Variants in KIRREL3 observed in about 807,000 individuals in gnomAD.
The protein encoded by KIRREL3 is kin of IRRE-like protein 3.
KIRREL3 carries 36 observed loss-of-function variants against 89.7 expected under a neutral mutation model. The ratio of observed to expected loss-of-function variants is 0.40; its 90% CI spans 0.31 to 0.53. KIRREL3 has a LOEUF of 0.53. Among genes scored for constraint, KIRREL3 ranks in the 20% least tolerant of loss-of-function variants. The pLI is 0.49. For missense variants in KIRREL3, 864 were observed against 1,056.6 expected (o/e 0.82, Z 2.53); for synonymous variants, 445 against 441.4 (o/e 1.01, Z -0.10).
Position 126,783,222 on chromosome 11 carries a change from C to T in KIRREL3, c.55+217233G>A, listed in dbSNP as rs1044762209. 2.0e-5 allele frequency among the ~76,000 whole-genome samples: 3 copies of T among 152,122 alleles called. No individual in the cohort carries two copies. Among genetic ancestry groups the T allele is most frequent in the African/African-American group, 7.2e-5 (3 of 41,426 alleles). On this transcript the variant is annotated intron_variant, in intron 1 of 16. Coordinates refer to ENST00000525144, the MANE Select transcript of KIRREL3 (RefSeq NM_032531.4). The surrounding 1 kb of genome is among the most constrained non-coding windows in gnomAD (Gnocchi z 4.3). ...TGTTTTCTGGTGATTTTTGGTATTCCTTGGCATTCCTTGGCTTGTAGATGT... is the reference window on the plus strand; with the variant it reads ...TGTTTTCTGGTGATTTTTGGTATTCTTTGGCATTCCTTGGCTTGTAGATGT...
chr11:126,853,814 C>T (rs1565353484), intron 1 of KIRREL3, among the ~76,000 whole-genome samples: 1 of 152,030 alleles, frequency 6.6e-6, no homozygotes, highest in African/African-American at 2.4e-5. Context: ...AACTTTTCTG[C>T]ATGTTTCATT....
chr11:126,923,129 C>CTTCTTCTTCTTCTTCTTCT (rs1555090094), intron 1 of KIRREL3, among the ~76,000 whole-genome samples: 1 of 25,732 alleles, frequency 3.9e-5, no homozygotes, highest in Non-Finnish European at 7.8e-5. Flanking sequence ...TCTCCTTCTT[C>CTTCTTCTTCTTCTTCTTCT]TCTTCTTCTT....
chr11:126,600,971 C>A (rs78211635), intron 1 of KIRREL3, among the ~76,000 whole-genome samples: 1 of 152,146 alleles, frequency 6.6e-6, no homozygotes, highest in East Asian at 1.9e-4. Flanking sequence ...CACCCCTCCA[C>A]GGATCTCCTA....
chr11:126,960,402 A>G (rs918059893), intron 1 of KIRREL3, among the ~76,000 whole-genome samples: 1 of 152,156 alleles, frequency 6.6e-6, no homozygotes, highest in Non-Finnish European at 1.5e-5. Flanking sequence ...TAGTTTTTCT[A>G]AAGAGGCCCT....
chr11:126,451,107 GTGTGCATGTGTGTGTGTGCA>G lies in KIRREL3; in HGVS notation c.849-1970_849-1951del, dbSNP rs1371992943. On this transcript the variant is annotated intron_variant, in intron 7 of 16. Transcript: ENST00000525144. ...TGTGTGCATATGTGTCCATGTGCAT[GTGTGCATGTGTGTGTGTGCA>G]TGTGCATGTGTGTGCATGTGTAAAT... Among the ~76,000 whole-genome samples the G allele has an allele frequency of 1.7e-4, 17 of 97,768 alleles. 1 individual carries two copies. The highest frequency in any genetic ancestry group is 5.2e-4 in the African/African-American group (12 of 23,150). 64.1% of individuals were successfully genotyped at this position (97,768 alleles called of 152,430 possible).
intron 1 of KIRREL3, among the ~76,000 whole-genome samples, chr11:126,674,523 A>G (rs1946100144): frequency 1.3e-5 from 2 of 152,232 alleles, no homozygotes; most frequent in African/African-American, 4.8e-5. Context: ...CTACTCTCAG[A>G]ATCCTGACAC....
In KIRREL3 at chr11:126,708,194, C is replaced by T. The variant is rs924293817; in HGVS notation, c.56-145282G>A. Reference sequence around the variant, plus strand: ...GTATTCATGCCGCCTGGAAACTCATCTGCCTGTGCCGCTGCTTTTTCCTGG... The same window carrying T: ...GTATTCATGCCGCCTGGAAACTCATTTGCCTGTGCCGCTGCTTTTTCCTGG... On this transcript the variant is annotated intron_variant, in intron 1 of 16. Transcript: ENST00000525144. This position sits in a 1 kb window ranked among gnomAD's most constrained non-coding sequence, Gnocchi z 5.7. Among the ~76,000 whole-genome samples the T allele has an allele frequency of 7.2e-5, 11 of 152,214 alleles. No homozygotes were observed. Among genetic ancestry groups the T allele is most frequent in the Admixed American group, 6.5e-5 (1 of 15,290 alleles).
chr11:126,633,660 CACA>C (rs1252844862), intron 1 of KIRREL3, among the ~76,000 whole-genome samples: 11 of 152,224 alleles, frequency 7.2e-5, no homozygotes, highest in African/African-American at 2.2e-4. Context: ...ATGCTTCTTG[CACA>C]CCCTACATAA....
rs1171442704 is a variant in KIRREL3 at position 126,877,873 on chromosome 11, A to G, written c.55+122582T>C. Among the ~76,000 whole-genome samples, 1 of 152,188 alleles carries G rather than the reference A, an allele frequency of 6.6e-6. No homozygotes were observed. The highest frequency in any genetic ancestry group is 6.5e-5 in the Admixed American group (1 of 15,272). On this transcript the variant is annotated intron_variant, in intron 1 of 16. Transcript: ENST00000525144. This position sits in a 1 kb window ranked among gnomAD's most constrained non-coding sequence, Gnocchi z 4.9. ...TTTGTGCCTGAAAAAGCAGAATATT[A>G]TTATAATAGGTGCAAAAACAGTTGC...
rs1228951943 is a variant in KIRREL3, at chr11:126,579,928, C to T, written c.56-17016G>A. ...TGGCACAATCTTGGCTCACTGGAAG[C>T]TCCACCTCCTGGATTCACGCCATTC... On this transcript the variant is annotated intron_variant, in intron 1 of 16. Coordinates refer to ENST00000525144, the MANE Select transcript of KIRREL3 (RefSeq NM_032531.4). The surrounding 1 kb of genome is among the most constrained non-coding windows in gnomAD (Gnocchi z 5.3). Among the ~76,000 whole-genome samples the T allele has an allele frequency of 2.6e-5, 4 of 151,890 alleles. No homozygotes were observed. Among genetic ancestry groups the T allele is most frequent in the Non-Finnish European group, 5.9e-5 (4 of 68,002 alleles).
At chr11:126,637,163 G>A (rs1189986538) in intron 1 of KIRREL3, among the ~76,000 whole-genome samples, 1 of 152,206 alleles carries the variant, frequency 6.6e-6, no homozygotes, top group Non-Finnish European at 1.5e-5. Context: ...CTAGACTAAA[G>A]TAAGTTTTTT....
chr11:126,803,628 C>G (rs1951109580), intron 1 of KIRREL3, among the ~76,000 whole-genome samples: 1 of 152,100 alleles, frequency 6.6e-6, no homozygotes, highest in Non-Finnish European at 1.5e-5. Context: ...GAAATGGCCT[C>G]TTAATGAAAA....
In KIRREL3 at chr11:126,615,914, A is replaced by G. The variant is rs776856095; in HGVS notation, c.56-53002T>C. On this transcript the variant is annotated intron_variant, in intron 1 of 16. Transcript: ENST00000525144. The surrounding 1 kb of genome is among the most constrained non-coding windows in gnomAD (Gnocchi z 5.4). ...ATGTCTGGGGAGCAGACTTCTTTGT[A>G]TGCCCCCGGGGACAGGACAGGATGG... Among the ~76,000 whole-genome samples, 2 of 152,094 alleles carry G rather than the reference A, an allele frequency of 1.3e-5. No homozygotes were observed. The highest frequency in any genetic ancestry group is 2.9e-5 in the Non-Finnish European group (2 of 68,008).
chr11:126,439,704 C>G (rs1339643086), intron 11 of KIRREL3, among the ~76,000 whole-genome samples: 1 of 151,452 alleles, frequency 6.6e-6, no homozygotes, highest in Non-Finnish European at 1.5e-5. Flanking sequence ...GTAATCCCAG[C>G]TACTCAAGAG....
At chr11:126,545,245 A>G (rs978510102) in intron 2 of KIRREL3, among the ~76,000 whole-genome samples, 2 of 152,180 alleles carry the variant, frequency 1.3e-5, no homozygotes, top group African/African-American at 4.8e-5. Flanking sequence ...AGAGATTTGC[A>G]GAGATAGTGG....
In KIRREL3 at chr11:126,754,143, CAAATT is replaced by C. The variant is rs751704300; in HGVS notation, c.56-191236_56-191232del. On this transcript the variant is annotated intron_variant, in intron 1 of 16. Transcript: ENST00000525144. This position sits in a 1 kb window ranked among gnomAD's most constrained non-coding sequence, Gnocchi z 5.1. ...TTTGAATTAATTTAATTTGAAATAT[CAAATT>C]AAATTAAACTGTAGAATAATCCCCA... 6.6e-5 allele frequency among the ~76,000 whole-genome samples: 10 copies of C among 152,098 alleles called. No homozygotes were observed. Among genetic ancestry groups the C allele is most frequent in the African/African-American group, 9.7e-5 (4 of 41,400 alleles).
rs945258446 is a variant in KIRREL3, at chr11:126,948,638, G to A, written c.55+51817C>T. Among the ~76,000 whole-genome samples, 2 of 152,198 alleles carry A rather than the reference G, an allele frequency of 1.3e-5. No individual in the cohort carries two copies. The highest frequency in any genetic ancestry group is 4.8e-5 in the African/African-American group (2 of 41,458). On this transcript the variant is annotated intron_variant, in intron 1 of 16. Transcript: ENST00000525144. The surrounding 1 kb of genome is among the most constrained non-coding windows in gnomAD (Gnocchi z 4.5). ...TTTCCTTATTCAGAGCTTGACCAGT[G>A]CTCTTTTTTGCTTTCTTCAAAATCT...
At position 126,474,921 on chromosome 11, in the gene KIRREL3, C is replaced by T. The variant is rs995450223; in HGVS notation, c.434-1455G>A. Among the ~76,000 whole-genome samples, 1 of 152,166 alleles carries T rather than the reference C, an allele frequency of 6.6e-6. No homozygotes were observed. The highest frequency in any genetic ancestry group is 2.4e-5 in the African/African-American group (1 of 41,424). ...TGGGGACACGTTGAGAGTCTCAGGC[C>T]TCTGCTGCTCCCTGGACAAGCCACA... On this transcript the variant is annotated intron_variant, in intron 4 of 16. Coordinates refer to ENST00000525144, the MANE Select transcript of KIRREL3 (RefSeq NM_032531.4). The surrounding 1 kb of genome is among the most constrained non-coding windows in gnomAD (Gnocchi z 6.7).
At chr11:126,806,638 G>T (rs1951212375) in intron 1 of KIRREL3, among the ~76,000 whole-genome samples, 1 of 152,084 alleles carries the variant, frequency 6.6e-6, no homozygotes, top group South Asian at 2.1e-4. Context: ...AGCATTACTA[G>T]GTAAGGATTG....
Sources: allele counts gnomAD v4.1 joint callset (sites outside exome capture counted in the v4.1 genomes callset), GRCh38; gene constraint gnomAD v4.1.1; non-coding constraint Gnocchi (gnomAD v3.1); transcripts MANE v1.5; gene names NCBI Gene and HGNC (gene_info 2026-07-23, HGNC 2026-07-21).